The following NINJ2 variants were observed in gnomAD, a reference collection of about 807,000 sequenced individuals.
The protein encoded by NINJ2 is ninjurin-2.
NINJ2 carries 12 observed loss-of-function variants against 11.7 expected under a neutral mutation model. The ratio of observed to expected loss-of-function variants is 1.02; its 90% CI spans 0.66 to 1.66. The LOEUF (loss-of-function observed/expected upper bound fraction) is 1.66. Among genes scored for constraint, NINJ2 ranks in the 40% most tolerant of loss-of-function variants. The pLI is 0.00. For missense variants in NINJ2, 187 were observed against 181.8 expected (o/e 1.03, Z -0.16); for synonymous variants, 93 against 76.8 (o/e 1.21, Z -1.10).
intron 1 of NINJ2, among the ~76,000 whole-genome samples, chr12:617,067 G>A (rs112556353): frequency 1.6e-4 from 24 of 152,116 alleles, no homozygotes; most frequent in African/African-American, 5.6e-4. Context: ...TTAGCCAGAC[G>A]TGGTGGCGCA....
intron 1 of NINJ2, among the ~76,000 whole-genome samples, chr12:573,247 G>A (rs559366346): frequency 7.2e-4 from 110 of 151,734 alleles, no homozygotes; most frequent in Middle Eastern, 3.4e-3. Context: ...GGCTCATCTC[G>A]AACTCATGAC....
intron 1 of NINJ2, chr12:645,765 C>G (rs1937667119): frequency 6.6e-6 from 1 of 152,226 alleles, no homozygotes; most frequent in African/African-American, 2.4e-5. Context: ...GCTGTGGCGC[C>G]ACTAGCCTCC....
chr12:593,942 C>T (rs1332904440), intron 1 of NINJ2, among the ~76,000 whole-genome samples: 1 of 152,158 alleles, frequency 6.6e-6, no homozygotes, highest in Non-Finnish European at 1.5e-5. Context: ...GAAACTTCCT[C>T]AACTTGATAA....
At chr12:620,849 T>A (rs1948145429) in intron 1 of NINJ2, among the ~76,000 whole-genome samples, 1 of 152,090 alleles carries the variant, frequency 6.6e-6, no homozygotes, top group African/African-American at 2.4e-5. Flanking sequence ...AGGCTGGTCT[T>A]AAACTCCTGA....
At chr12:653,595 G>A (rs1937828348) in intron 1 of NINJ2, among the ~76,000 whole-genome samples, 1 of 151,370 alleles carries the variant, frequency 6.6e-6, no homozygotes, top group African/African-American at 2.4e-5. Context: ...CAAACTCCAG[G>A]GCAATAACTA....
In NINJ2 at chr12:628,789, A is replaced by G. The variant is rs1039602491; in HGVS notation, c.33+34539T>C. ...CCACTGGTTGTCCTCACTGCTCAGT[A>G]TATGCCAATTATACATTAGCATGCT... On this transcript the variant is annotated intron_variant, in intron 1 of 3. Transcript: ENST00000305108. The surrounding 1 kb of genome is among the most constrained non-coding windows in gnomAD (Gnocchi z 4.4). Among the ~76,000 whole-genome samples, 1 of 152,224 alleles carries G rather than the reference A, an allele frequency of 6.6e-6. No individual in the cohort carries two copies. The highest frequency in any genetic ancestry group is 1.5e-5 in the Non-Finnish European group (1 of 68,032).
chr12:653,262 G>T (rs540292061), intron 1 of NINJ2, among the ~76,000 whole-genome samples: 65 of 151,954 alleles, frequency 4.3e-4, no homozygotes, highest in African/African-American at 1.5e-3. Context: ...CCCGTGATCT[G>T]CCCGCCTCTG....
At chr12:572,828 C>T (rs966922977) in intron 1 of NINJ2, among the ~76,000 whole-genome samples, 1 of 151,316 alleles carries the variant, frequency 6.6e-6, no homozygotes, top group African/African-American at 2.4e-5. Flanking sequence ...TAATCCCAAT[C>T]CTCTATGTGC....
intron 1 of NINJ2, among the ~76,000 whole-genome samples, chr12:612,110 A>G (rs1948039608): frequency 6.6e-6 from 1 of 152,166 alleles, no homozygotes; most frequent in African/African-American, 2.4e-5. Context: ...AATCATGTGT[A>G]TAAGGTACAT....
Position 565,386 on chromosome 12 carries a change from T to C in NINJ2, c.278A>G (p.Asn93Ser), listed in dbSNP as rs1947280314. The change falls in exon 3 of 4, where the codon AAT (asparagine) becomes AGT (serine). Residue 93 changes from asparagine (N) to serine (S), a missense_variant. By Grantham distance (46) the Asn-to-Ser change is conservative. Transcript: ENST00000305108. ...LLVVIARLNL[N>S]EVEKQWRLNQ... ...GAGTCGCCACTGCTTTTCTACCTCA[T>C]TCAGGTTCAGCCGTGCTGCAGGGAA... 1 of 1,614,082 alleles carries C rather than the reference T, an allele frequency of 6.2e-7. No homozygotes were observed. Among genetic ancestry groups the C allele is most frequent in the Non-Finnish European group, 8.5e-7 (1 of 1,180,006 alleles).
chr12:608,195 G>C (rs1478173101), intron 1 of NINJ2, among the ~76,000 whole-genome samples: 2 of 152,108 alleles, frequency 1.3e-5, no homozygotes, highest in Non-Finnish European at 2.9e-5. Flanking sequence ...AGCCCTCCAA[G>C]AATTTATATG....
chr12:616,765 G>A (rs933182462), intron 1 of NINJ2, among the ~76,000 whole-genome samples: 2 of 152,196 alleles, frequency 1.3e-5, no homozygotes, highest in Admixed American at 1.3e-4. Context: ...TCCAAAATGA[G>A]ACACCTTTCT....
chr12:659,512 C>T (rs1219803099), intron 1 of NINJ2, among the ~76,000 whole-genome samples: 4 of 152,182 alleles, frequency 2.6e-5, no homozygotes, highest in African/African-American at 9.7e-5. Flanking sequence ...GCAGGCTTAG[C>T]TCCCTGGCAG....
intron 1 of NINJ2, among the ~76,000 whole-genome samples, chr12:595,901 T>A (rs1432305074): frequency 6.6e-6 from 1 of 152,118 alleles, no homozygotes; most frequent in Non-Finnish European, 1.5e-5. Flanking sequence ...AATGAAGACA[T>A]AAAATGGCAA....
chr12:570,595 G>C (rs1177872278), intron 1 of NINJ2, among the ~76,000 whole-genome samples: 1 of 152,248 alleles, frequency 6.6e-6, no homozygotes, highest in East Asian at 1.9e-4. Flanking sequence ...AATGTGGGCT[G>C]GACTGGGGAG....
chr12:593,030 A>G (rs1017342200), intron 1 of NINJ2, among the ~76,000 whole-genome samples: 1 of 152,184 alleles, frequency 6.6e-6, no homozygotes, highest in Admixed American at 6.5e-5. Flanking sequence ...TGCAATCAAG[A>G]AAAAAACAGG....
At chr12:592,904 C>A (rs1453830984) in intron 1 of NINJ2, among the ~76,000 whole-genome samples, 1 of 151,520 alleles carries the variant, frequency 6.6e-6, no homozygotes, top group Non-Finnish European at 1.5e-5. Context: ...CAAGGAAGAA[C>A]AAAATTAAGA....
chr12:595,310 C>G (rs555825884), intron 1 of NINJ2, among the ~76,000 whole-genome samples: 1 of 152,228 alleles, frequency 6.6e-6, no homozygotes. Context: ...GATTTCCATC[C>G]TAGGTTATTG....
chr12:593,752 G>A (rs1947746375), intron 1 of NINJ2, among the ~76,000 whole-genome samples: 1 of 151,708 alleles, frequency 6.6e-6, no homozygotes, highest in Non-Finnish European at 1.5e-5. Flanking sequence ...AGGAGGAAGA[G>A]GATGAGGAGA....
Sources: allele counts gnomAD v4.1 joint callset (sites outside exome capture counted in the v4.1 genomes callset), GRCh38; gene constraint gnomAD v4.1.1; non-coding constraint Gnocchi (gnomAD v3.1); transcripts MANE v1.5; gene names NCBI Gene and HGNC (gene_info 2026-07-23, HGNC 2026-07-21).